The following MOB1A variants were observed in gnomAD, a reference collection of about 807,000 sequenced individuals.
MOB1A encodes the protein MOB kinase activator 1A, also known as MOB1 Mps One Binder homolog A.
Under a neutral mutation model 25.1 loss-of-function variants are expected in MOB1A, and 10 were observed. That is an observed-to-expected ratio of 0.40 (90% confidence interval 0.25 to 0.68). The LOEUF is 0.68. Among genes scored for constraint, MOB1A ranks in the 30% least tolerant of loss-of-function variants. The pLI is 0.40. For synonymous variants in MOB1A, 81 were observed against 79.5 expected (o/e 1.02, Z -0.10); for missense variants, 177 against 256.3 (o/e 0.69, Z 2.11).
At chr2:74,166,158 T>C (rs1008793404) in intron 3 of MOB1A, among the ~76,000 whole-genome samples, 2 of 152,060 alleles carry the variant, frequency 1.3e-5, no homozygotes, top group African/African-American at 2.4e-5. Flanking sequence ...AATCCCATCA[T>C]ATGATGGACT....
intron 1 of MOB1A, among the ~76,000 whole-genome samples, chr2:74,174,870 C>T (rs565503791): frequency 1.3e-5 from 2 of 152,192 alleles, no homozygotes; most frequent in African/African-American, 4.8e-5. Flanking sequence ...AGAAGTATGA[C>T]AATCAATGAG....
At position 74,155,986 on chromosome 2, in the gene MOB1A, T is replaced by A. The variant is rs532231553; in HGVS notation, c.*582A>T. On this transcript the variant is annotated 3_prime_UTR_variant, in exon 6 of 6. Coordinates refer to ENST00000396049, the MANE Select transcript of MOB1A (RefSeq NM_018221.5). The stretch of plus-strand genomic sequence containing the variant: ...ATGATTTAAACTGCAATCATGAATT[T>A]TGAAAAAATAGACGTATCTTATCTA... The A allele has an allele frequency of 2.0e-5, 3 of 152,726 alleles. No individual in the cohort carries two copies. Among genetic ancestry groups the A allele is most frequent in the Admixed American group, 2.0e-4 (3 of 15,296 alleles). The allele number at this position is 152,726 out of a possible 1,614,324, so 9.5% of individuals were successfully genotyped here.
rs1692742287 is a variant in MOB1A at position 74,154,247 on chromosome 2, T to G, written c.*2321A>C. ...TCAAACTGTTATCAAAGGTTGGCCCTCTAGCCAACTCAGGAAGGCGCCATC... is the reference window on the plus strand; with the variant it reads ...TCAAACTGTTATCAAAGGTTGGCCCGCTAGCCAACTCAGGAAGGCGCCATC... On this transcript the variant is annotated 3_prime_UTR_variant, in exon 6 of 6. Transcript: ENST00000396049. The G allele has an allele frequency of 6.7e-6, 1 of 150,006 alleles. No homozygotes were observed. Among genetic ancestry groups the G allele is most frequent in the Admixed American group, 6.6e-5 (1 of 15,040 alleles). The allele number at this position is 150,006 out of a possible 1,614,324, so 9.3% of individuals were successfully genotyped here. A position where few individuals can be genotyped will look rare whatever the true frequency, so the allele number is the denominator to read the frequency against.
chr2:74,171,008 G>A (rs753559292), intron 2 of MOB1A, among the ~76,000 whole-genome samples: 1 of 152,098 alleles, frequency 6.6e-6, no homozygotes, highest in Admixed American at 6.6e-5. Context: ...GGCCAGGTGC[G>A]GTGGCTCACG....
intron 4 of MOB1A, among the ~76,000 whole-genome samples, chr2:74,160,271 CATAAGCCTGAGTTCAAG>C (rs1335698362): frequency 6.6e-6 from 1 of 152,036 alleles, no homozygotes; most frequent in Non-Finnish European, 1.5e-5. Flanking sequence ...TGCCTGAGCT[CATAAGCCTGAGTTCAAG>C]ATAAGCCTGA....
At chr2:74,164,510 T>A (rs1306052325) in intron 4 of MOB1A, 1 of 146,242 alleles carries the variant, frequency 6.8e-6, no homozygotes, top group Non-Finnish European at 1.5e-5. Context: ...AGAGTGAGAC[T>A]CTGTCTCAAA....
intron 2 of MOB1A, among the ~76,000 whole-genome samples, chr2:74,170,910 C>G (rs1693275378): frequency 6.6e-6 from 1 of 151,158 alleles, no homozygotes; most frequent in African/African-American, 2.4e-5. Context: ...AAAAGAGATT[C>G]AAGAAGCATA....
Position 74,176,083 on chromosome 2 carries a change from T to TAAACACAC in MOB1A, c.14+2577_14+2578insGTGTGTTT, listed in dbSNP as rs1358627675. On this transcript the variant is annotated intron_variant, in intron 1 of 5. Transcript: ENST00000396049. ...CAACATAGTGAAACCCCGCCTCTAC[T>TAAACACAC]ACACACACACACACACACACACACA... is the stretch of plus-strand genomic sequence containing the variant. Among the ~76,000 whole-genome samples, 178 of 129,312 alleles carry TAAACACAC rather than the reference T, an allele frequency of 1.4e-3. 2 individuals carry two copies. Among genetic ancestry groups the TAAACACAC allele is most frequent in the African/African-American group, 5.1e-3 (167 of 32,570 alleles). The allele number at this position is 129,312 out of a possible 152,430, so 84.8% of individuals were successfully genotyped here.
chr2:74,167,832 A>G (rs941629844), intron 2 of MOB1A, among the ~76,000 whole-genome samples: 1 of 152,154 alleles, frequency 6.6e-6, no homozygotes, highest in Non-Finnish European at 1.5e-5. Context: ...ACAAAATTAA[A>G]AGAGATGAAT....
At chr2:74,168,103 C>T (rs2103722693) in intron 2 of MOB1A, among the ~76,000 whole-genome samples, 1 of 152,316 alleles carries the variant, frequency 6.6e-6, no homozygotes, top group South Asian at 2.1e-4. Context: ...GGTGCTACTG[C>T]ACTCCAGCCT....
At chr2:74,173,881 G>A (rs1448864593) in intron 1 of MOB1A, among the ~76,000 whole-genome samples, 3 of 148,398 alleles carry the variant, frequency 2.0e-5, no homozygotes, top group African/African-American at 7.5e-5. Context: ...CCCGGGAGGC[G>A]GAGCTTGCAG....
At chr2:74,172,844 A>G in intron 1 of MOB1A, 92 bp from the exon 2 acceptor site, 1 of 1,332,592 alleles carries the variant, frequency 7.5e-7, no homozygotes, top group Non-Finnish European at 1.0e-6. Flanking sequence ...AGTAGCCTGT[A>G]AAAATAAAAT....
At chr2:74,164,292 G>A (rs1693063218) in intron 4 of MOB1A, 2 of 152,222 alleles carry the variant, frequency 1.3e-5, no homozygotes, top group Non-Finnish European at 2.9e-5. Flanking sequence ...GCCAAGGCAG[G>A]TAGATCACTT....
At chr2:74,174,957 T>A (rs1158228155) in intron 1 of MOB1A, among the ~76,000 whole-genome samples, 1 of 152,212 alleles carries the variant, frequency 6.6e-6, no homozygotes, top group Non-Finnish European at 1.5e-5. Flanking sequence ...ATGATTACAT[T>A]AAATGTGGAC....
At chr2:74,174,700 A>T (rs183725882) in intron 1 of MOB1A, among the ~76,000 whole-genome samples, 5 of 152,358 alleles carry the variant, frequency 3.3e-5, no homozygotes, top group Admixed American at 2.0e-4. Flanking sequence ...AATAGTATCA[A>T]TTAAAACTTT....
Position 74,155,606 on chromosome 2 carries a change from T to C in MOB1A, c.*962A>G, listed in dbSNP as rs979384978. On this transcript the variant is annotated 3_prime_UTR_variant, in exon 6 of 6. Transcript: ENST00000396049. ...TAAGGCTCAAGAGACAATAAAAACA[T>C]AGAAGTAATTTTTTAATAAAAGGAA... is the stretch of plus-strand genomic sequence containing the variant. 6.6e-6 allele frequency: 1 copy of C among 152,454 alleles called. No homozygotes were observed. The highest frequency in any genetic ancestry group is 1.5e-5 in the Non-Finnish European group (1 of 67,956). The allele number at this position is 152,454 out of a possible 1,614,324, so 9.4% of individuals were successfully genotyped here. A position where few individuals can be genotyped will look rare whatever the true frequency, so the allele number is the denominator to read the frequency against.
rs200769425 is a variant in MOB1A, at chr2:74,158,202, G to A, written c.573+889C>T. On this transcript the variant is annotated intron_variant, in intron 5 of 5. Transcript: ENST00000396049. Reference sequence around the variant, plus strand: ...CTCCAAAAAAAAAAAAAAGAGGGGGGAAAAAAAAAAAAGAAACTACCTGAA... The same window carrying A: ...CTCCAAAAAAAAAAAAAAGAGGGGGAAAAAAAAAAAAAGAAACTACCTGAA... 7.6e-4 allele frequency among the ~76,000 whole-genome samples: 103 copies of A among 135,968 alleles called. 1 individual carries two copies. Among genetic ancestry groups the A allele is most frequent in the African/African-American group, 1.7e-3 (60 of 35,892 alleles). 89.2% of individuals were successfully genotyped at this position (135,968 alleles called of 152,430 possible). A position where few individuals can be genotyped will look rare whatever the true frequency, so the allele number is the denominator to read the frequency against.
Position 74,167,002 on chromosome 2 carries a change from C to T in MOB1A, c.275+12G>A. The T allele has an allele frequency of 6.3e-7, 1 of 1,584,368 alleles. No individual in the cohort carries two copies. Among genetic ancestry groups the T allele is most frequent in the East Asian group, 2.2e-5 (1 of 44,686 alleles). On this transcript the variant is annotated intron_variant, in intron 3 of 5. Coordinates refer to ENST00000396049, the MANE Select transcript of MOB1A (RefSeq NM_018221.5). ...CTAATCCAAACACCTATATAATAGGCAGTATATGTACCTCGGACCTGCAGA... is the reference window on the plus strand; with the variant it reads ...CTAATCCAAACACCTATATAATAGGTAGTATATGTACCTCGGACCTGCAGA...
chr2:74,155,834 T>TA lies in MOB1A; in HGVS notation c.*733dup, dbSNP rs1692790280. The TA allele has an allele frequency of 6.6e-6, 1 of 152,292 alleles. No individual in the cohort carries two copies. Among genetic ancestry groups the TA allele is most frequent in the Non-Finnish European group, 1.5e-5 (1 of 67,966 alleles). The allele number at this position is 152,292 out of a possible 1,614,324, so 9.4% of individuals were successfully genotyped here. A position where few individuals can be genotyped will look rare whatever the true frequency, so the allele number is the denominator to read the frequency against. ...CTGGAAGACCATCCTTAGAAGACAT[T>TA]AAAAAATTACTTCTGATACACACAC... On this transcript the variant is annotated 3_prime_UTR_variant, in exon 6 of 6. Transcript: ENST00000396049.
Sources: allele counts gnomAD v4.1 joint callset (sites outside exome capture counted in the v4.1 genomes callset), GRCh38; gene constraint gnomAD v4.1.1; transcripts MANE v1.5; gene names NCBI Gene and HGNC (gene_info 2026-07-23, HGNC 2026-07-21).